Variants in GRIP1 observed in about 807,000 individuals in gnomAD.
GRIP1 encodes the protein glutamate receptor interacting protein 1, also known as glutamate receptor-interacting protein 1.
In GRIP1, 45 loss-of-function variants were observed where a neutral mutation model predicts 129.9. That is an observed-to-expected ratio of 0.35 (90% CI 0.27 to 0.44). The LOEUF is 0.44. Among genes scored for constraint, GRIP1 ranks in the 20% least tolerant of loss-of-function variants. The pLI, the probability that GRIP1 is intolerant of heterozygous loss-of-function variation, is 1.00. For missense variants in GRIP1, 1,196 were observed against 1,396.8 expected, an observed-to-expected ratio of 0.86 and a Z score of 2.29; for synonymous variants, 530 against 520.8, an observed-to-expected ratio of 1.02 and a Z score of -0.24.
At chr12:66,359,072 G>T (rs1028840017) in intron 23 of GRIP1, among the ~76,000 whole-genome samples, 2 of 152,166 alleles carry the variant, frequency 1.3e-5, no homozygotes, top group Non-Finnish European at 2.9e-5. Flanking sequence ...AGAGGGTGGG[G>T]CATCCTCCTT....
At chr12:66,915,536 C>T (rs183499622) in intron 1 of GRIP1, among the ~76,000 whole-genome samples, 2 of 152,282 alleles carry the variant, frequency 1.3e-5, no homozygotes, top group East Asian at 1.9e-4. Context: ...AGGCATCAGA[C>T]GTGGGTGGGA....
chr12:67,007,064 T>A (rs1273493134), intron 1 of GRIP1, among the ~76,000 whole-genome samples: 1 of 152,148 alleles, frequency 6.6e-6, no homozygotes, highest in African/African-American at 2.4e-5. Flanking sequence ...CAGAATACCA[T>A]CAAATCCCAC....
At position 66,619,633 on chromosome 12, in the gene GRIP1, G is replaced by A. The variant is rs539260983; in HGVS notation, c.56-22706C>T. 9.2e-5 allele frequency among the ~76,000 whole-genome samples: 14 copies of A among 152,120 alleles called. No individual in the cohort carries two copies. The East Asian group carries it at 2.5e-3, about 27-fold the overall frequency. Reference sequence around the variant, plus strand: ...ATAAAATCAATGAGGGTTACACAATGGCCAATTTATTAAACTTTTTAATTT... The same window carrying A: ...ATAAAATCAATGAGGGTTACACAATAGCCAATTTATTAAACTTTTTAATTT... On this transcript the variant is annotated intron_variant, in intron 1 of 24. Transcript: ENST00000359742.
intron 1 of GRIP1, among the ~76,000 whole-genome samples, chr12:66,792,619 T>G (rs1241291362): frequency 2.6e-5 from 4 of 152,296 alleles, no homozygotes; most frequent in African/African-American, 9.6e-5. Context: ...TGGGACTATC[T>G]CTGAGGTTTG....
chr12:67,068,004 A>C (rs1309412161), intron 1 of GRIP1, among the ~76,000 whole-genome samples: 1 of 152,142 alleles, frequency 6.6e-6, no homozygotes, highest in Non-Finnish European at 1.5e-5. Flanking sequence ...AGGATAGAAG[A>C]AGCAAAGGGA....
rs557967082 is a variant in GRIP1, at chr12:67,054,082, C to T, written c.58+14968G>A. ...ATTTAGGTCCCCAATTCTTCTTCAT[C>T]CACAATGGGAAGACCAGGCAAGATA... is the stretch of plus-strand genomic sequence containing the variant. On this transcript the variant is annotated intron_variant, in intron 1 of 1. Transcript: ENST00000643019. Among the ~76,000 whole-genome samples, 3 of 152,272 alleles carry T rather than the reference C, an allele frequency of 2.0e-5. No individual in the cohort carries two copies. In the East Asian group the frequency reaches 5.8e-4, roughly 29 times the overall value.
intron 5 of GRIP1, among the ~76,000 whole-genome samples, chr12:66,522,065 C>A (rs923242240): frequency 2.6e-5 from 4 of 152,242 alleles, no homozygotes; most frequent in African/African-American, 9.6e-5. Context: ...GTAGGATCCA[C>A]CTCTCGGGGC....
chr12:66,635,845 T>C (rs746046841), intron 1 of GRIP1, among the ~76,000 whole-genome samples: 4 of 152,068 alleles, frequency 2.6e-5, no homozygotes, highest in African/African-American at 4.8e-5. Flanking sequence ...CCAATAAAAG[T>C]AAGATCAGCT....
chr12:66,444,848 C>G (rs1012837013), intron 12 of GRIP1, 119 bp from the exon 13 acceptor site: 3 of 1,017,420 alleles, frequency 2.9e-6, no homozygotes, highest in Middle Eastern at 2.2e-4. Flanking sequence ...CTTGCTTATT[C>G]AATGCTGTGG....
intron 1 of GRIP1, among the ~76,000 whole-genome samples, chr12:66,989,241 G>A (rs1040762604): frequency 6.6e-6 from 1 of 152,220 alleles, no homozygotes; most frequent in African/African-American, 2.4e-5. Context: ...TAAACTTGCT[G>A]CAGCTTCACA....
At chr12:66,814,211 C>T (rs1051594973) in intron 1 of GRIP1, among the ~76,000 whole-genome samples, 7 of 152,066 alleles carry the variant, frequency 4.6e-5, no homozygotes, top group African/African-American at 1.7e-4. Flanking sequence ...GCAAGTTAAA[C>T]TCTCTGTACC....
chr12:67,068,503 C>A (rs539625154), intron 1 of GRIP1, among the ~76,000 whole-genome samples: 1 of 151,920 alleles, frequency 6.6e-6, no homozygotes, highest in South Asian at 2.1e-4. Context: ...CCTGCGGCAG[C>A]GCCCCCTTGC....
intron 7 of GRIP1, among the ~76,000 whole-genome samples, chr12:66,496,136 T>C (rs1384751558): frequency 6.6e-6 from 1 of 152,112 alleles, no homozygotes; most frequent in Non-Finnish European, 1.5e-5. Context: ...AGAAGGAAAG[T>C]CTCCAGTGAG....
intron 1 of GRIP1, among the ~76,000 whole-genome samples, chr12:66,864,950 T>C (rs889400185): frequency 1.3e-5 from 2 of 152,158 alleles, no homozygotes; most frequent in Admixed American, 6.6e-5. Flanking sequence ...GTTTGAACTG[T>C]AGAACTGAAA....
At chr12:66,935,309 G>T (rs1354376954) in intron 1 of GRIP1, among the ~76,000 whole-genome samples, 1 of 152,076 alleles carries the variant, frequency 6.6e-6, no homozygotes, top group Non-Finnish European at 1.5e-5. Flanking sequence ...TTTCTAAATT[G>T]ATAGAAGTCT....
intron 2 of GRIP1, among the ~76,000 whole-genome samples, chr12:66,579,278 A>G (rs2063275473): frequency 1.3e-5 from 2 of 152,168 alleles, no homozygotes; most frequent in Non-Finnish European, 2.9e-5. Flanking sequence ...ATCATCAAAG[A>G]CCAAAAGTAG....
intron 2 of GRIP1, among the ~76,000 whole-genome samples, chr12:66,565,562 C>T (rs1028793526): frequency 1.3e-5 from 2 of 152,188 alleles, no homozygotes; most frequent in Non-Finnish European, 2.9e-5. Context: ...TAGCGTGATG[C>T]CTCCAGCTTT....
chr12:66,387,613 A>T (rs1349787118), intron 19 of GRIP1, among the ~76,000 whole-genome samples: 1 of 152,266 alleles, frequency 6.6e-6, no homozygotes, highest in Non-Finnish European at 1.5e-5. Flanking sequence ...AGCCTGGTTC[A>T]GAGCAAATGA....
chr12:66,908,998 C>T (rs1177146371), intron 1 of GRIP1, among the ~76,000 whole-genome samples: 4 of 152,202 alleles, frequency 2.6e-5, no homozygotes. Flanking sequence ...CACCAAACAC[C>T]TCTTTCTTCC....
Sources: gnomAD v4.1 joint callset for allele counts (sites outside exome capture counted in the v4.1 genomes callset) on GRCh38, gnomAD v4.1.1 for gene constraint, MANE v1.5 for transcripts, NCBI Gene and HGNC (gene_info 2026-07-23, HGNC 2026-07-21) for gene names.